Variants in METTL25B observed in about 807,000 individuals in gnomAD.
METTL25B encodes the protein methyltransferase like 25B, also known as methyltransferase-like protein 25B.
In METTL25B, 38 loss-of-function variants were observed where a neutral mutation model predicts 48.4. That is an observed-to-expected ratio of 0.78 (90% CI 0.61 to 1.03). The LOEUF is 1.03. Among genes scored for constraint, METTL25B ranks in the 50% least tolerant of loss-of-function variants. METTL25B has a pLI of 0.00. For missense variants in METTL25B, 537 were observed against 603.7 expected (o/e 0.89, Z 1.16); for synonymous variants, 230 against 254.5 (o/e 0.90, Z 0.92).
At chr1:156,735,029 C>T (rs941109471) in intron 6 of METTL25B, among the ~76,000 whole-genome samples, 4 of 151,746 alleles carry the variant, frequency 2.6e-5, no homozygotes, top group Admixed American at 2.6e-4. Context: ...TGGCTCATGC[C>T]TGTAATCCCA....
intron 5 of METTL25B, 123 bp from the exon 6 acceptor site, chr1:156,733,886 C>G: frequency 7.2e-7 from 1 of 1,384,312 alleles, no homozygotes; most frequent in Admixed American, 2.3e-5. Context: ...CCCGCACCCA[C>G]CTTATCTCCC....
In METTL25B at chr1:156,733,531, C is replaced by A. The variant is rs765282530; in HGVS notation, c.636+11C>A. ...AAGAGGAACCCGCAGGTAGGCCAAC[C>A]CTTCCTGCGACCTGGACTGCAGGAG... On this transcript the variant is annotated intron_variant, in intron 5 of 7. Transcript: ENST00000368216. 15 of 1,612,816 alleles carry A rather than the reference C, an allele frequency of 9.3e-6. No homozygotes were observed. Among genetic ancestry groups the A allele is most frequent in the South Asian group, 2.2e-5 (2 of 91,014 alleles).
Position 156,736,726 on chromosome 1 carries a change from T to G in METTL25B, c.1401T>G (p.Leu467=). The G allele has an allele frequency of 6.2e-7, 1 of 1,613,230 alleles. No individual in the cohort carries two copies. Among genetic ancestry groups the G allele is most frequent in the African/African-American group, 1.3e-5 (1 of 75,046 alleles). ...VATKMPLGQA[L]SVLETEDS is the part of the protein sequence containing the mutation. ...CCAAGATGCCCCTGGGTCAGGCTCT[T>G]TCTGTTCTGGAGACTGAAGACAGCT... The change falls in exon 8 of 8, where the codon CTT becomes CTG. Residue 467 remains leucine (L), a synonymous_variant. Transcript: ENST00000368216.
intron 6 of METTL25B, 83 bp downstream of exon 6, chr1:156,734,576 G>C: frequency 7.1e-7 from 1 of 1,406,566 alleles, no homozygotes; most frequent in Non-Finnish European, 9.4e-7. Flanking sequence ...CTGTTGCCCA[G>C]GCTGGAGTGC....
intron 2 of METTL25B, 52 bp downstream of exon 2, chr1:156,732,167 A>G (rs780097656): frequency 6.2e-7 from 1 of 1,613,104 alleles, no homozygotes; most frequent in Admixed American, 1.7e-5. Context: ...TAAGCCCTGC[A>G]GTGAGCATAT....
At position 156,733,358 on chromosome 1, in the gene METTL25B, A is replaced by C. The variant is rs1571513417; in HGVS notation, c.493-19A>C. ...TAGGGCACTGAACAGGGCTGTTTCC[A>C]TCCTCCTCGTGACTCCAGGGCCATC... is the stretch of plus-strand genomic sequence containing the variant. On this transcript the variant is annotated intron_variant, in intron 4 of 7. Coordinates refer to ENST00000368216, the MANE Select transcript of METTL25B (RefSeq NM_015997.4). 6.2e-7 allele frequency: 1 copy of C among 1,613,856 alleles called. No homozygotes were observed. Among genetic ancestry groups the C allele is most frequent in the Non-Finnish European group, 8.5e-7 (1 of 1,179,854 alleles).
chr1:156,735,993 T>A, intron 7 of METTL25B, 84 bp downstream of exon 7: 2 of 1,215,888 alleles, frequency 1.6e-6, no homozygotes, highest in Non-Finnish European at 2.3e-6. Flanking sequence ...CCCCAACATC[T>A]TCTGGGCCTA....
At position 156,731,924 on chromosome 1, in the gene METTL25B, T is replaced by G. The variant is rs1649322387; in HGVS notation, c.112-67T>G. 2.5e-6 allele frequency: 4 copies of G among 1,598,184 alleles called. No individual in the cohort carries two copies. The South Asian group carries it at 3.4e-5, about 13-fold the overall frequency. On this transcript the variant is annotated intron_variant, in intron 1 of 7. Coordinates refer to ENST00000368216, the MANE Select transcript of METTL25B (RefSeq NM_015997.4). ...AGAGGCAGGCAATGAGGTGTGTAGT[T>G]GAGAGTGGTGTGGGAAAGAATGGGA...
At position 156,728,736 on chromosome 1, in the gene METTL25B, C is replaced by G. The variant is rs1171161074; in HGVS notation, c.-369C>G. On this transcript the variant is annotated 5_prime_UTR_variant, in exon 1 of 8. Transcript: ENST00000368216. ...GGAACTGCAGCCCGCCGGACACCTC[C>G]GGCTTCACTTCCGTAAGAGGAGAGG... The G allele has an allele frequency of 8.9e-5, 89 of 1,005,612 alleles. No individual in the cohort carries two copies. The highest frequency in any genetic ancestry group is 2.4e-4 in the Admixed American group (4 of 16,664). The allele number at this position is 1,005,612 out of a possible 1,614,324, so 62.3% of individuals were successfully genotyped here.
At chr1:156,731,660 A>G (rs1433393836) in intron 1 of METTL25B, among the ~76,000 whole-genome samples, 1 of 152,242 alleles carries the variant, frequency 6.6e-6, no homozygotes, top group Non-Finnish European at 1.5e-5. Flanking sequence ...AGGGATGCAG[A>G]TGTGAAGATA....
At chr1:156,730,830 G>T (rs1287682301) in intron 1 of METTL25B, among the ~76,000 whole-genome samples, 1 of 152,078 alleles carries the variant, frequency 6.6e-6, no homozygotes, top group African/African-American at 2.4e-5. Flanking sequence ...GTAAAATGGG[G>T]GATAAAAAAT....
Position 156,729,081 on chromosome 1 carries a change from C to T in METTL25B, c.-24C>T, listed in dbSNP as rs1648988932. 2 of 1,444,596 alleles carry T rather than the reference C, an allele frequency of 1.4e-6. No homozygotes were observed. The highest frequency in any genetic ancestry group is 1.4e-5 in the African/African-American group (1 of 71,154). 89.5% of individuals were successfully genotyped at this position (1,444,596 alleles called of 1,614,324 possible). Reference sequence around the variant, plus strand: ...TCCCTGTTCACTGCGTTCTCGCTCCCCGCGCTCCCTGCTGGACCCCGGGAT... The same window carrying T: ...TCCCTGTTCACTGCGTTCTCGCTCCTCGCGCTCCCTGCTGGACCCCGGGAT... On this transcript the variant is annotated 5_prime_UTR_variant, in exon 1 of 8. Transcript: ENST00000368216.
intron 1 of METTL25B, among the ~76,000 whole-genome samples, chr1:156,731,137 T>G (rs1208315605): frequency 6.6e-6 from 1 of 152,238 alleles, no homozygotes; most frequent in Admixed American, 6.5e-5. Context: ...TGGTTTGTTT[T>G]TTTTGAGAGG....
At chr1:156,734,726 T>C (rs1649599657) in intron 6 of METTL25B, among the ~76,000 whole-genome samples, 1 of 151,258 alleles carries the variant, frequency 6.6e-6, no homozygotes, top group Non-Finnish European at 1.5e-5. Context: ...AGAGATGGGG[T>C]TTCACCATGT....
chr1:156,736,173 G>A, intron 7 of METTL25B: 1 of 314,902 alleles, frequency 3.2e-6, no homozygotes. Context: ...TTCAAGACCA[G>A]CGATGGTGAA....
chr1:156,729,263 C>G, intron 1 of METTL25B, 48 bp downstream of exon 1: 2 of 1,110,810 alleles, frequency 1.8e-6, no homozygotes, highest in Non-Finnish European at 2.7e-6. Flanking sequence ...GTGTGGTTGG[C>G]TAGGTGCCCA....
intron 1 of METTL25B, among the ~76,000 whole-genome samples, chr1:156,729,739 C>T (rs544419200): frequency 6.6e-6 from 1 of 152,280 alleles, no homozygotes; most frequent in South Asian, 2.1e-4. Context: ...AGAATCCTGC[C>T]TCCCCTATGA....
rs754203979 is a variant in METTL25B, at chr1:156,732,426, A to G, written c.382A>G (p.Lys128Glu). 2.7e-5 allele frequency: 43 copies of G among 1,614,022 alleles called. No individual in the cohort carries two copies. The African/African-American group carries it at 4.9e-4, about 19-fold the overall frequency. The change falls in exon 3 of 8, where the codon AAA (lysine) becomes GAA (glutamate). Residue 128 changes from lysine to glutamate, a missense_variant. Coordinates refer to ENST00000368216, the MANE Select transcript of METTL25B (RefSeq NM_015997.4). ...QSSRLTAPFR[K>E]HVRPKKQHEI... ...CTCCCGACTAACAGCTCCATTCCGG[A>G]AACATGTCAGGCCCAAGAAGCAGCA... is the stretch of plus-strand genomic sequence containing the variant.
Position 156,733,065 on chromosome 1 carries a change from T to A in METTL25B, c.492+18T>A. On this transcript the variant is annotated intron_variant, in intron 4 of 7. Coordinates refer to ENST00000368216, the MANE Select transcript of METTL25B (RefSeq NM_015997.4). ...CAGGCCAGGTGAGCCAGAGTCTTGATGTACTGTTTTTTTGAGTCATGGGGA... is the reference window on the plus strand; with the variant it reads ...CAGGCCAGGTGAGCCAGAGTCTTGAAGTACTGTTTTTTTGAGTCATGGGGA... The A allele has an allele frequency of 6.2e-7, 1 of 1,612,264 alleles. No individual in the cohort carries two copies. Among genetic ancestry groups the A allele is most frequent in the South Asian group, 1.1e-5 (1 of 90,914 alleles).
Sources: allele counts gnomAD v4.1 joint callset (sites outside exome capture counted in the v4.1 genomes callset), GRCh38; gene constraint gnomAD v4.1.1; transcripts MANE v1.5; gene names NCBI Gene and HGNC (gene_info 2026-07-23, HGNC 2026-07-21).